Variants in DNAH10 observed in about 807,000 individuals in gnomAD.
DNAH10 encodes dynein axonemal heavy chain 10, also known as axonemal beta dynein heavy chain 10.
A neutral mutation model predicts 506.6 loss-of-function variants in DNAH10; 348 were observed. The ratio of observed to expected loss-of-function variants is 0.69; its 90% CI spans 0.63 to 0.75. The LOEUF is 0.75. Ranked by LOEUF, DNAH10 falls within the 30% of genes least tolerant of loss-of-function variation. DNAH10 has a pLI of 0.00. For synonymous variants in DNAH10, 2,059 were observed against 2,198.6 expected, an observed-to-expected ratio of 0.94 and a Z score of 1.78; for missense variants, 5,179 against 5,787.1, an observed-to-expected ratio of 0.89 and a Z score of 3.41.
chr12:123,862,968 T>C (rs1951669100), intron 39 of DNAH10, among the ~76,000 whole-genome samples: 1 of 152,202 alleles, frequency 6.6e-6, no homozygotes, highest in East Asian at 1.9e-4. Flanking sequence ...ACGTAACAAT[T>C]GGGGAATCTG....
rs1381816963 is a variant in DNAH10, at chr12:123,850,965, G to A, written c.6180G>A (p.Thr2060=). Residue 2060 remains threonine, a synonymous_variant, in exon 35 of 79, where the codon ACG becomes ACA. Transcript: ENST00000673944. This position sits in a 1 kb window ranked among gnomAD's most constrained non-coding sequence, Gnocchi z 5.5. The part of the protein sequence containing the change: ...ITMNPGYAGR[T]ELPESVKALF... ...TGAACCCCGGCTACGCAGGCCGCACGGAGCTGCCCGAGTCGGTGAAGGCGC... is the reference window on the plus strand; with the variant it reads ...TGAACCCCGGCTACGCAGGCCGCACAGAGCTGCCCGAGTCGGTGAAGGCGC... 5.6e-6 allele frequency: 9 copies of A among 1,614,080 alleles called. No individual in the cohort carries two copies. Among genetic ancestry groups the A allele is most frequent in the Middle Eastern group, 1.6e-4 (1 of 6,062 alleles).
chr12:123,885,470 AT>A (rs972106817), intron 51 of DNAH10, among the ~76,000 whole-genome samples: 24 of 151,166 alleles, frequency 1.6e-4, no homozygotes, highest in Middle Eastern at 3.4e-3. Flanking sequence ...AATATTGTTC[AT>A]TTTTTTTTCC....
chr12:123,799,237 C>A lies in DNAH10; in HGVS notation c.2164-9C>A. 4 of 1,598,720 alleles carry A rather than the reference C, an allele frequency of 2.5e-6. No homozygotes were observed. The highest frequency in any genetic ancestry group is 1.1e-5 in the South Asian group (1 of 88,828). On this transcript the variant is annotated splice_polypyrimidine_tract_variant and intron_variant, in intron 13 of 78. Transcript: ENST00000673944. ...GGACAAAATGACGGTTGCTTGAATTCTTTGATAGGTCAAACAAAAATATTT... is the reference window on the plus strand; with the variant it reads ...GGACAAAATGACGGTTGCTTGAATTATTTGATAGGTCAAACAAAAATATTT...
intron 1 of DNAH10, among the ~76,000 whole-genome samples, chr12:123,763,513 T>G (rs947940981): frequency 1.4e-4 from 21 of 152,124 alleles, no homozygotes; most frequent in African/African-American, 5.1e-4. Context: ...ACCTTTGATT[T>G]TTTTTTTAAA....
chr12:123,799,950 C>T (rs1031550158), intron 14 of DNAH10, among the ~76,000 whole-genome samples: 1 of 152,172 alleles, frequency 6.6e-6, no homozygotes, highest in Non-Finnish European at 1.5e-5. Context: ...GCAACTGCTC[C>T]ATGTCAGATT....
At chr12:123,773,350 G>C (rs1050827166) in intron 4 of DNAH10, among the ~76,000 whole-genome samples, 4 of 152,182 alleles carry the variant, frequency 2.6e-5, no homozygotes, top group African/African-American at 9.7e-5. Context: ...ATAAAACCTT[G>C]TTTGTTGGAA....
rs191708277 is a variant in DNAH10, at chr12:123,898,386, C to T, written c.9479-267C>T. Among the ~76,000 whole-genome samples, 439 of 152,216 alleles carry T rather than the reference C, an allele frequency of 2.9e-3. 1 individual carries two copies. Among genetic ancestry groups the T allele is most frequent in the Non-Finnish European group, 4.9e-3 (335 of 68,024 alleles). ...CACCATGCCTGGCGCACATTAGAGA[C>T]AACTATCTGCTGCAGCAGCATGCAC... On this transcript the variant is annotated intron_variant, in intron 55 of 78. Transcript: ENST00000673944.
At chr12:123,933,541 C>T (rs1326162075) in intron 77 of DNAH10, 30 bp downstream of exon 77, 1 of 1,553,952 alleles carries the variant, frequency 6.4e-7, no homozygotes. Context: ...GATCCACAGC[C>T]TCTCACTTAG....
rs537143774 is a variant in DNAH10, at chr12:123,826,650, G to A, written c.4180-37G>A. On this transcript the variant is annotated intron_variant, in intron 24 of 78. Coordinates refer to ENST00000673944, the MANE Select transcript of DNAH10 (RefSeq NM_001372106.1). The stretch of plus-strand genomic sequence containing the variant: ...CTCTCCTTGTTGCATTTCCAAAGGG[G>A]TCTTTGTTGATGGAGCTGTTCCTTG... 3.8e-6 allele frequency: 6 copies of A among 1,587,466 alleles called. No individual in the cohort carries two copies. The Admixed American group carries it at 6.9e-5, about 18-fold the overall frequency.
chr12:123,818,119 G>A (rs896550957), intron 21 of DNAH10, among the ~76,000 whole-genome samples: 4 of 151,618 alleles, frequency 2.6e-5, no homozygotes, highest in African/African-American at 4.8e-5. Flanking sequence ...AGCTAATTTT[G>A]TATTTTTAGT....
chr12:123,864,434 C>T (rs1246566609), intron 39 of DNAH10, among the ~76,000 whole-genome samples, 161 bp from the exon 40 acceptor site: 3 of 152,068 alleles, frequency 2.0e-5, no homozygotes, highest in Non-Finnish European at 4.4e-5. Context: ...TTTTTATGTA[C>T]CATTTCAGTC....
In DNAH10 at chr12:123,930,248, G is replaced by A; in HGVS notation, c.12613-154G>A. ...GCCACAGATCAATTGTGTGAACAGT[G>A]GCCCGAAAGGTTATGCAAGTCAACA... On this transcript the variant is annotated intron_variant, in intron 72 of 78. Transcript: ENST00000673944. 4.6e-6 allele frequency: 3 copies of A among 658,986 alleles called. No individual in the cohort carries two copies. The South Asian group carries it at 8.2e-5, about 18-fold the overall frequency. The allele number at this position is 658,986 out of a possible 1,614,324, so 40.8% of individuals were successfully genotyped here.
Position 123,781,153 on chromosome 12 carries a change from C to CT in DNAH10, c.696dup (p.Asn233Ter). ...GTGGGAGTCACATCTGGAGAAGTCT[C>CT]TAATTCCTCTGAGCATGAATCAGAC... On this transcript the variant is annotated frameshift_variant, in exon 6 of 79. Coordinates refer to ENST00000673944, the MANE Select transcript of DNAH10 (RefSeq NM_001372106.1). LOFTEE classifies it high-confidence loss of function. 3 of 1,614,108 alleles carry CT rather than the reference C, an allele frequency of 1.9e-6. No individual in the cohort carries two copies. Among genetic ancestry groups the CT allele is most frequent in the Non-Finnish European group, 2.5e-6 (3 of 1,180,002 alleles).
chr12:123,781,305 G>C lies in DNAH10; in HGVS notation c.841+6G>C. ...AACCATGCAGCAACTTGAAGGTAAGGTTTCATTTTCCTCCTTTTTAGTTAA... is the reference window on the plus strand; with the variant it reads ...AACCATGCAGCAACTTGAAGGTAAGCTTTCATTTTCCTCCTTTTTAGTTAA... On this transcript the variant is annotated splice_donor_region_variant and intron_variant, in intron 6 of 78. Transcript: ENST00000673944. 4 of 1,606,586 alleles carry C rather than the reference G, an allele frequency of 2.5e-6. No individual in the cohort carries two copies. Among genetic ancestry groups the C allele is most frequent in the Non-Finnish European group, 2.6e-6 (3 of 1,175,420 alleles).
intron 52 of DNAH10, 115 bp downstream of exon 52, chr12:123,887,428 C>T (rs1165836273): frequency 3.3e-6 from 4 of 1,219,764 alleles, no homozygotes; most frequent in Non-Finnish European, 4.4e-6. Context: ...TGCGGGTGTA[C>T]CTGTTCCTCC....
intron 54 of DNAH10, among the ~76,000 whole-genome samples, chr12:123,895,897 G>A (rs1953197913): frequency 6.6e-6 from 1 of 152,054 alleles, no homozygotes; most frequent in South Asian, 2.1e-4. Context: ...TGGATCACTT[G>A]AGCCCAGGAG....
chr12:123,863,616 G>A (rs140489918), intron 39 of DNAH10, among the ~76,000 whole-genome samples: 6 of 152,120 alleles, frequency 3.9e-5, no homozygotes, highest in Non-Finnish European at 4.4e-5. Context: ...CTCTTTCTTG[G>A]CCTTCCCCTC....
intron 2 of DNAH10, among the ~76,000 whole-genome samples, chr12:123,770,268 A>AAAAAT (rs763621560): frequency 1.3e-5 from 2 of 151,120 alleles, no homozygotes; most frequent in Non-Finnish European, 3.0e-5. Context: ...TTTTTTTAAA[A>AAAAAT]TTTTTTTTGT....
intron 16 of DNAH10, among the ~76,000 whole-genome samples, chr12:123,802,741 T>C (rs1381322071): frequency 2.6e-5 from 4 of 151,990 alleles, no homozygotes; most frequent in Admixed American, 2.6e-4. Context: ...TTTTTTTTTT[T>C]TTTTTTAATT....
Sources: allele counts gnomAD v4.1 joint callset (sites outside exome capture counted in the v4.1 genomes callset), GRCh38; gene constraint gnomAD v4.1.1; non-coding constraint Gnocchi (gnomAD v3.1); transcripts MANE v1.5; gene names NCBI Gene and HGNC (gene_info 2026-07-23, HGNC 2026-07-21).